Variants in SIRT1 observed in about 807,000 individuals in gnomAD.
The protein encoded by SIRT1 is sirtuin 1.
SIRT1 carries 24 observed loss-of-function variants against 67.9 expected under a neutral mutation model. That is an observed-to-expected ratio of 0.35 (90% CI 0.26 to 0.50). SIRT1 has a LOEUF of 0.50. Among genes scored for constraint, SIRT1 ranks in the 20% least tolerant of loss-of-function variants. The pLI is 0.98. For missense variants in SIRT1, 873 were observed against 937.2 expected (o/e 0.93, Z 0.89); for synonymous variants, 378 against 350.7 (o/e 1.08, Z -0.87).
intron 4 of SIRT1, among the ~76,000 whole-genome samples, chr10:67,892,116 T>G (rs1475524412): frequency 6.6e-6 from 1 of 152,136 alleles, no homozygotes; most frequent in Non-Finnish European, 1.5e-5. Context: ...GTGCAATAAG[T>G]GTAGAAGACA....
intron 4 of SIRT1, among the ~76,000 whole-genome samples, chr10:67,898,482 C>A (rs181368443): frequency 1.4e-3 from 220 of 151,778 alleles, no homozygotes; most frequent in African/African-American, 4.8e-3. Flanking sequence ...GCAAACATAC[C>A]AGATTATGTA....
chr10:67,899,254 C>A (rs1233332379), intron 4 of SIRT1, among the ~76,000 whole-genome samples: 2 of 151,522 alleles, frequency 1.3e-5, no homozygotes, highest in African/African-American at 4.9e-5. Flanking sequence ...ATGCCACTGC[C>A]ACCTGTATCC....
intron 6 of SIRT1, 83 bp downstream of exon 6, chr10:67,908,208 T>A: frequency 1.8e-6 from 2 of 1,114,600 alleles, no homozygotes; most frequent in Non-Finnish European, 2.7e-6. Context: ...TTTACCCCTT[T>A]AAAGTATATA....
intron 6 of SIRT1, 50 bp downstream of exon 6, chr10:67,908,175 C>T (rs1481716714): frequency 1.4e-6 from 2 of 1,480,620 alleles, no homozygotes; most frequent in Non-Finnish European, 1.9e-6. Context: ...TGAAGTATTT[C>T]TTCTTTTGCC....
In SIRT1 at chr10:67,887,462, C is replaced by G. The variant is rs760482544; in HGVS notation, c.476C>G (p.Ser159Cys). 1 of 1,613,772 alleles carries G rather than the reference C, an allele frequency of 6.2e-7. No individual in the cohort carries two copies. The highest frequency in any genetic ancestry group is 1.1e-5 in the South Asian group (1 of 91,056). The change falls in exon 2 of 9, where the codon TCC (serine) becomes TGC (cysteine). Residue 159 changes from serine to cysteine, a missense_variant. Ser to Cys is a moderately radical substitution (Grantham distance 112). Coordinates refer to ENST00000212015, the MANE Select transcript of SIRT1 (RefSeq NM_012238.5). The stretch of plus-strand genomic sequence containing the variant: ...GAAATTATCACTAATGGTTTTCATT[C>G]CTGTGAAAGTGATGAGGAGGATAGA... ...GDEIITNGFH[S>C]CESDEEDRAS...
In SIRT1 at chr10:67,885,489, TTTTTC is replaced by T. The variant is rs1842463197; in HGVS notation, c.430+342_430+346del. ...TGCTTTTGTTAGAGCTTTTTTTTTC[TTTTTC>T]TTTATTTTTTATTTTCATTGCTTTT... On this transcript the variant is annotated intron_variant, in intron 1 of 8. Coordinates refer to ENST00000212015, the MANE Select transcript of SIRT1 (RefSeq NM_012238.5). The T allele has an allele frequency of 3.3e-6, 3 of 910,386 alleles. No individual in the cohort carries two copies. The South Asian group carries it at 1.7e-4, about 50-fold the overall frequency. 56.4% of individuals were successfully genotyped at this position (910,386 alleles called of 1,614,324 possible).
At chr10:67,908,154 G>A (rs1842848699) in intron 6 of SIRT1, 29 bp downstream of exon 6, 2 of 1,571,270 alleles carry the variant, frequency 1.3e-6, no homozygotes, top group Non-Finnish European at 1.8e-6. Flanking sequence ...TTTAGGAATT[G>A]TTCATGTCTC....
At chr10:67,891,884 T>C (rs1477338406) in intron 4 of SIRT1, among the ~76,000 whole-genome samples, 2 of 152,236 alleles carry the variant, frequency 1.3e-5, no homozygotes, top group African/African-American at 4.8e-5. Flanking sequence ...AATATTTTAT[T>C]AGAGATTGTA....
chr10:67,889,948 G>T (rs1468731517), intron 3 of SIRT1, among the ~76,000 whole-genome samples: 1 of 151,838 alleles, frequency 6.6e-6, no homozygotes, highest in Non-Finnish European at 1.5e-5. Flanking sequence ...ACGTCTCAAA[G>T]AAATGAAGAA....
chr10:67,895,480 AT>A (rs1050226658), intron 4 of SIRT1, among the ~76,000 whole-genome samples: 2 of 152,196 alleles, frequency 1.3e-5, no homozygotes, highest in African/African-American at 4.8e-5. Flanking sequence ...GAATTTCTAA[AT>A]ATTACAAGAA....
intron 8 of SIRT1, among the ~76,000 whole-genome samples, chr10:67,915,332 C>A (rs893391565): frequency 2.0e-5 from 3 of 152,192 alleles, no homozygotes; most frequent in African/African-American, 4.8e-5. Flanking sequence ...TAGGGACATA[C>A]TGTGAATTCA....
Position 67,895,733 on chromosome 10 carries a change from G to GTC in SIRT1, c.942+4180_942+4181insCT, listed in dbSNP as rs1842644983. Among the ~76,000 whole-genome samples, 5 of 42,736 alleles carry GTC rather than the reference G, an allele frequency of 1.2e-4. 1 individual carries two copies. The highest frequency in any genetic ancestry group is 3.3e-4 in the African/African-American group (4 of 12,120). The allele number at this position is 42,736 out of a possible 152,430, so 28.0% of individuals were successfully genotyped here. A position where few individuals can be genotyped will look rare whatever the true frequency, so the allele number is the denominator to read the frequency against. On this transcript the variant is annotated intron_variant, in intron 4 of 8. Transcript: ENST00000212015. Reference sequence around the variant, plus strand: ...GTATGTGATTATTGAGAATTAACTTGTTTTTTTTTTTTTTGTTTTTTTTTT... The same window carrying GTC: ...GTATGTGATTATTGAGAATTAACTTGTCTTTTTTTTTTTTTTGTTTTTTTTTT...
intron 8 of SIRT1, 118 bp downstream of exon 8, chr10:67,913,149 A>G (rs1340691382): frequency 2.0e-6 from 2 of 1,017,168 alleles, no homozygotes; most frequent in Non-Finnish European, 2.8e-6. Context: ...TTCTGTTTAG[A>G]GAAACTGTAC....
intron 4 of SIRT1, among the ~76,000 whole-genome samples, chr10:67,900,067 G>C (rs914912108): frequency 2.4e-4 from 37 of 152,122 alleles, no homozygotes; most frequent in African/African-American, 8.5e-4. Flanking sequence ...CTGGGCAACA[G>C]AGCGAGACTC....
In SIRT1 at chr10:67,885,123, G is replaced by C; in HGVS notation, c.402G>C (p.Glu134Asp). 1.4e-6 allele frequency: 2 copies of C among 1,426,214 alleles called. No individual in the cohort carries two copies. Among genetic ancestry groups the C allele is most frequent in the Non-Finnish European group, 1.8e-6 (2 of 1,084,762 alleles). The allele number at this position is 1,426,214 out of a possible 1,614,324, so 88.3% of individuals were successfully genotyped here. The change falls in exon 1 of 9, where the codon GAG becomes GAC. Residue 134 changes from glutamate to aspartate, a missense_variant. Around this residue, in one of 3 missense-constraint regions of SIRT1, gnomAD observed 327 missense variants for 283.9 expected, o/e 1.15. Transcript: ENST00000212015. Reference sequence around the variant, plus strand: ...ACGACGAGGGCGAGGAGGAGGAAGAGGCGGCGGCGGCGGCGATTGGGTACC... The same window carrying C: ...ACGACGAGGGCGAGGAGGAGGAAGACGCGGCGGCGGCGGCGATTGGGTACC... ...DDDDEGEEEEEAAAAAIGYRD... is the reference protein window; with the variant it reads ...DDDDEGEEEEDAAAAAIGYRD...
chr10:67,884,835 G>A lies in SIRT1; in HGVS notation c.114G>A (p.Arg38=). The A allele has an allele frequency of 8.2e-7, 1 of 1,223,230 alleles. No homozygotes were observed. Among genetic ancestry groups the A allele is most frequent in the South Asian group, 4.1e-5 (1 of 24,238 alleles). 75.8% of individuals were successfully genotyped at this position (1,223,230 alleles called of 1,614,324 possible). The part of the protein sequence containing the change: ...PAGEPLRKRP[R]RDGPGLERSP... ...GGGAGCCGCTCCGCAAGAGGCCGCG[G>A]AGAGATGGTCCCGGCCTCGAGCGGA... The change falls in exon 1 of 9, where the codon CGG becomes CGA. Residue 38 remains arginine, a synonymous_variant. Coordinates refer to ENST00000212015, the MANE Select transcript of SIRT1 (RefSeq NM_012238.5).
intron 1 of SIRT1, among the ~76,000 whole-genome samples, chr10:67,887,101 A>C (rs555559614): frequency 6.7e-6 from 1 of 150,178 alleles, no homozygotes; most frequent in African/African-American, 2.4e-5. Flanking sequence ...CGAATTCTCA[A>C]CCTCAGGTGA....
At chr10:67,905,601 C>A (rs549718885) in intron 4 of SIRT1, among the ~76,000 whole-genome samples, 1 of 152,066 alleles carries the variant, frequency 6.6e-6, no homozygotes, top group Non-Finnish European at 1.5e-5. Context: ...GGTAAAAAGT[C>A]ATCTTTAATC....
At chr10:67,909,760 A>G (rs1263971048) in intron 7 of SIRT1, among the ~76,000 whole-genome samples, 1 of 152,080 alleles carries the variant, frequency 6.6e-6, no homozygotes, top group Non-Finnish European at 1.5e-5. Context: ...TTTTTAGTAT[A>G]GACCGGGTTT....
Sources: allele counts gnomAD v4.1 joint callset (sites outside exome capture counted in the v4.1 genomes callset), GRCh38; gene constraint gnomAD v4.1.1; regional missense constraint gnomAD v4.1.1; transcripts MANE v1.5; gene names NCBI Gene and HGNC (gene_info 2026-07-23, HGNC 2026-07-21).